Variants in KIZ observed in about 807,000 individuals in gnomAD.
KIZ encodes the protein centrosomal protein kizuna.
Under a neutral mutation model 79.6 loss-of-function variants are expected in KIZ, and 68 were observed. That is an observed-to-expected ratio of 0.85 (90% CI 0.70 to 1.05). The LOEUF is 1.05. Ranked by LOEUF, KIZ falls within the 50% of genes least tolerant of loss-of-function variation. The pLI, the probability that KIZ is intolerant of heterozygous loss-of-function variation, is 0.00. For missense variants in KIZ, 797 were observed against 800.4 expected (o/e 1.00, Z 0.05); for synonymous variants, 280 against 281.8 (o/e 0.99, Z 0.06).
chr20:21,182,223 A>T (rs770779189), intron 6 of KIZ, among the ~76,000 whole-genome samples: 1 of 152,130 alleles, frequency 6.6e-6, no homozygotes, highest in Non-Finnish European at 1.5e-5. Context: ...AAGAAGAGAC[A>T]CAAGAGAGCT....
intron 6 of KIZ, among the ~76,000 whole-genome samples, chr20:21,183,940 C>T (rs555367241): frequency 3.3e-5 from 5 of 152,272 alleles, no homozygotes; most frequent in African/African-American, 9.6e-5. Context: ...CAGAGGCTGT[C>T]ATTGGCTCTG....
At chr20:21,142,976 G>C (rs186592235) in intron 3 of KIZ, among the ~76,000 whole-genome samples, 12 of 152,200 alleles carry the variant, frequency 7.9e-5, no homozygotes, top group Admixed American at 7.2e-4. Flanking sequence ...GCCCCTGGAG[G>C]GCAAAGTGTG....
At chr20:21,212,015 G>A (rs921599438) in intron 7 of KIZ, among the ~76,000 whole-genome samples, 1 of 152,146 alleles carries the variant, frequency 6.6e-6, no homozygotes, top group Non-Finnish European at 1.5e-5. Context: ...CTTGAACCTG[G>A]GAGGTGGAGG....
chr20:21,235,000 G>T (rs1021124731), intron 11 of KIZ, among the ~76,000 whole-genome samples: 1 of 152,094 alleles, frequency 6.6e-6, no homozygotes, highest in African/African-American at 2.4e-5. Flanking sequence ...CTTTTCAGCC[G>T]CCTTTGAGAG....
intron 4 of KIZ, chr20:21,160,968 G>C (rs2033625457): frequency 1.3e-5 from 2 of 152,970 alleles, no homozygotes; most frequent in Admixed American, 1.3e-4. Flanking sequence ...ACAAATTTCT[G>C]TTATTTATGC....
chr20:21,183,535 G>A (rs971120243), intron 6 of KIZ, among the ~76,000 whole-genome samples: 2 of 152,178 alleles, frequency 1.3e-5, no homozygotes, highest in Non-Finnish European at 2.9e-5. Context: ...GATGGCCTTG[G>A]AAATCTTCCC....
intron 7 of KIZ, among the ~76,000 whole-genome samples, chr20:21,212,179 C>G (rs756148277): frequency 6.6e-6 from 1 of 152,212 alleles, no homozygotes; most frequent in Middle Eastern, 3.2e-3. Context: ...TGCTTATCAT[C>G]TTTGAGAAAT....
At position 21,237,819 on chromosome 20, in the gene KIZ, A is replaced by G. The variant is rs116902849; in HGVS notation, c.1880+4989A>G. 1.9e-3 allele frequency among the ~76,000 whole-genome samples: 288 copies of G among 152,190 alleles called. 5 individuals carry two copies. In the East Asian group the frequency reaches 0.048, roughly 25 times the overall value. ...AGTACCCTCCCTCCCGCAGTGGGGC[A>G]GGCTTCGTTTCATTTATTTATTTAT... On this transcript the variant is annotated intron_variant, in intron 11 of 12. Transcript: ENST00000619189.
At chr20:21,225,097 A>G (rs1401786912) in intron 9 of KIZ, among the ~76,000 whole-genome samples, 1 of 152,222 alleles carries the variant, frequency 6.6e-6, no homozygotes, top group African/African-American at 2.4e-5. Context: ...ATCTCATGTC[A>G]TCAGTCAGGA....
intron 4 of KIZ, among the ~76,000 whole-genome samples, chr20:21,147,088 A>C (rs541529057): frequency 6.6e-6 from 1 of 152,288 alleles, no homozygotes; most frequent in African/African-American, 2.4e-5. Context: ...CTTGATAGAC[A>C]TATTCTTAGC....
chr20:21,138,625 G>T (rs779299845), intron 3 of KIZ, among the ~76,000 whole-genome samples: 3 of 152,142 alleles, frequency 2.0e-5, no homozygotes, highest in Non-Finnish European at 4.4e-5. Context: ...GGGTGAGGCT[G>T]ACTTTGACCC....
chr20:21,132,139 TA>T lies in KIZ; in HGVS notation c.134del (p.Asn45IlefsTer10). ...LDLEKKLYEY[N>X]QSDTCRVKLK... The stretch of plus-strand genomic sequence containing the variant: ...ACCTGGAAAAGAAACTTTATGAATA[TA>T]ATCAGTCTGATACATGCAGGTAAGA... On this transcript the variant is annotated frameshift_variant, in exon 2 of 13. Transcript: ENST00000619189. LOFTEE classifies it high-confidence loss of function. 6.8e-7 allele frequency: 1 copy of T among 1,468,664 alleles called. No homozygotes were observed. Among genetic ancestry groups the T allele is most frequent in the Non-Finnish European group, 9.3e-7 (1 of 1,077,348 alleles). The allele number at this position is 1,468,664 out of a possible 1,614,324, so 91.0% of individuals were successfully genotyped here. A position where few individuals can be genotyped will look rare whatever the true frequency, so the allele number is the denominator to read the frequency against.
chr20:21,238,350 A>AGTGTGTGTGTGTGT (rs1423366763), intron 11 of KIZ, among the ~76,000 whole-genome samples: 4 of 79,352 alleles, frequency 5.0e-5, no homozygotes, highest in African/African-American at 1.3e-4. Context: ...AGAGAGAGAG[A>AGTGTGTGTGTGTGT]GAGTGTGTGT....
chr20:21,204,283 T>C (rs977137677), intron 6 of KIZ, among the ~76,000 whole-genome samples: 14 of 150,446 alleles, frequency 9.3e-5, no homozygotes, highest in Non-Finnish European at 2.1e-4. Flanking sequence ...GCCCGGCTAA[T>C]TTTTTGTATT....
chr20:21,167,135 T>C (rs2122748533), intron 6 of KIZ, among the ~76,000 whole-genome samples: 1 of 152,340 alleles, frequency 6.6e-6, no homozygotes. Context: ...GGTGAGACCT[T>C]GAGCAGATGA....
chr20:21,172,474 G>A (rs2034252234), intron 6 of KIZ, among the ~76,000 whole-genome samples: 3 of 151,884 alleles, frequency 2.0e-5, no homozygotes, highest in South Asian at 2.1e-4. Context: ...GTGTGGTGGC[G>A]CACGCTTGAG....
At chr20:21,208,802 G>T in intron 7 of KIZ, among the ~76,000 whole-genome samples, 1 of 152,280 alleles carries the variant, frequency 6.6e-6, no homozygotes, top group Middle Eastern at 3.4e-3. Flanking sequence ...TGATGCAGGC[G>T]GGGCAAGCCT....
At chr20:21,129,854 A>G (rs1426464077) in intron 1 of KIZ, among the ~76,000 whole-genome samples, 1 of 152,210 alleles carries the variant, frequency 6.6e-6, no homozygotes, top group Non-Finnish European at 1.5e-5. Context: ...TCAACTATTA[A>G]CATTTTATTA....
In KIZ at chr20:21,162,369, G is replaced by A. The variant is rs772949553; in HGVS notation, c.904G>A (p.Glu302Lys). 2 of 1,613,826 alleles carry A rather than the reference G, an allele frequency of 1.2e-6. No individual in the cohort carries two copies. Among genetic ancestry groups the A allele is most frequent in the East Asian group, 2.2e-5 (1 of 44,878 alleles). ...KCDSSSGSEG[E>K]ILTREHIEVE... ...TGACAGTTCCAGCGGATCAGAGGGA[G>A]AAATACTGACACGGGAACATATTGA... Residue 302 changes from glutamate to lysine, a missense_variant, in exon 5 of 13, where the codon GAA becomes AAA. Coordinates refer to ENST00000619189, the MANE Select transcript of KIZ (RefSeq NM_018474.6).
Sources: allele counts gnomAD v4.1 joint callset (sites outside exome capture counted in the v4.1 genomes callset), GRCh38; gene constraint gnomAD v4.1.1; transcripts MANE v1.5; gene names NCBI Gene and HGNC (gene_info 2026-07-23, HGNC 2026-07-21).